Variants in MTHFD1L observed in about 807,000 individuals in gnomAD.
The protein encoded by MTHFD1L is monofunctional C1-tetrahydrofolate synthase, mitochondrial.
A neutral mutation model predicts 119.5 loss-of-function variants in MTHFD1L; 81 were observed. That is an observed-to-expected ratio of 0.68 (90% CI 0.57 to 0.82). MTHFD1L has a LOEUF of 0.82. MTHFD1L is among the 40% of genes least tolerant of loss of function. MTHFD1L has a pLI of 0.00. For synonymous variants in MTHFD1L, 430 were observed against 475.2 expected (o/e 0.90, Z 1.24); for missense variants, 1,125 against 1,253.4 (o/e 0.90, Z 1.55).
rs570138266 is a variant in MTHFD1L, at chr6:150,926,380, A to T, written c.1256+85A>T. 8.6e-7 allele frequency: 1 copy of T among 1,169,442 alleles called. No individual in the cohort carries two copies. Among genetic ancestry groups the T allele is most frequent in the African/African-American group, 1.5e-5 (1 of 64,970 alleles). The allele number at this position is 1,169,442 out of a possible 1,614,324, so 72.4% of individuals were successfully genotyped here. A position where few individuals can be genotyped will look rare whatever the true frequency, so the allele number is the denominator to read the frequency against. On this transcript the variant is annotated intron_variant, in intron 11 of 27. Coordinates refer to ENST00000367321, the MANE Select transcript of MTHFD1L (RefSeq NM_015440.5). The surrounding 1 kb of genome is among the most constrained non-coding windows in gnomAD (Gnocchi z 4.3). ...TTTATCTCTCTCCTCGTACCCCTCAATCCATCCTATTCTCACATTTGACAT... is the reference window on the plus strand; with the variant it reads ...TTTATCTCTCTCCTCGTACCCCTCATTCCATCCTATTCTCACATTTGACAT...
Position 151,057,280 on chromosome 6 carries a change from T to G in MTHFD1L, c.2847+20163T>G, listed in dbSNP as rs1308577271. ...TCTTCGCTGAAATCAACCTCCCCTT[T>G]CTGGAATGGACATATGGAAAATTGG... is the stretch of plus-strand genomic sequence containing the variant. On this transcript the variant is annotated intron_variant, in intron 26 of 27. Coordinates refer to ENST00000367321, the MANE Select transcript of MTHFD1L (RefSeq NM_015440.5). The G allele has an allele frequency of 3.0e-6, 3 of 985,240 alleles. No homozygotes were observed. The Admixed American group carries it at 1.8e-4, about 61-fold the overall frequency. 61.0% of individuals were successfully genotyped at this position (985,240 alleles called of 1,614,324 possible).
intron 1 of MTHFD1L, among the ~76,000 whole-genome samples, chr6:150,872,067 G>A (rs1005789969): frequency 4.0e-5 from 6 of 150,342 alleles, no homozygotes; most frequent in African/African-American, 9.8e-5. Flanking sequence ...TAGTAGAGAC[G>A]GGGTTTCACT....
intron 11 of MTHFD1L, among the ~76,000 whole-genome samples, chr6:150,936,386 G>A (rs1264153664): frequency 6.6e-6 from 1 of 152,096 alleles, no homozygotes; most frequent in Non-Finnish European, 1.5e-5. Flanking sequence ...CTCACCCAAG[G>A]ACCGTTGAGC....
intron 17 of MTHFD1L, among the ~76,000 whole-genome samples, chr6:150,959,481 C>T (rs1232253375): frequency 4.6e-5 from 7 of 152,170 alleles, no homozygotes; most frequent in Non-Finnish European, 8.8e-5. Context: ...CTTCGTACAA[C>T]GTGGAGCCAC....
chr6:151,098,760 A>G (rs760874723), intron 27 of MTHFD1L, among the ~76,000 whole-genome samples: 7 of 152,228 alleles, frequency 4.6e-5, no homozygotes, highest in African/African-American at 2.4e-5. Flanking sequence ...GCTTCTTCCA[A>G]CGCATAAGCA....
chr6:150,905,759 C>T lies in MTHFD1L; in HGVS notation c.890C>T (p.Ser297Leu). 6.2e-7 allele frequency: 1 copy of T among 1,606,864 alleles called. No individual in the cohort carries two copies. The highest frequency in any genetic ancestry group is 8.5e-7 in the Non-Finnish European group (1 of 1,173,410). Reference sequence around the variant, plus strand: ...CTCAACTGCTCCCATGACTTCCTGTCAGGTAAATGTCTTCACATTGGTGTT... The same window carrying T: ...CTCAACTGCTCCCATGACTTCCTGTTAGGTAAATGTCTTCACATTGGTGTT... The part of the protein sequence containing the change: ...TVLNCSHDFL[S>L]GKVGCGSPRI... Residue 297 changes from serine (S) to leucine (L), a missense_variant and splice_region_variant, in exon 8 of 28, where the codon TCA becomes TTA. Physicochemically the swap from Ser to Leu is moderately radical, Grantham distance 145. Coordinates refer to ENST00000367321, the MANE Select transcript of MTHFD1L (RefSeq NM_015440.5).
chr6:151,074,984 A>C (rs980339721), intron 26 of MTHFD1L, among the ~76,000 whole-genome samples: 5 of 152,252 alleles, frequency 3.3e-5, no homozygotes, highest in Admixed American at 1.3e-4. Context: ...TTATAGTTAA[A>C]GAGTTGTAAC....
In MTHFD1L at chr6:150,882,829, A is replaced by T. The variant is rs765560044; in HGVS notation, c.485A>T (p.Glu162Val). 1 of 1,580,092 alleles carries T rather than the reference A, an allele frequency of 6.3e-7. No homozygotes were observed. Residue 162 changes from glutamate (E) to valine (V), a missense_variant, in exon 5 of 28, where the codon GAG becomes GTG. Physicochemically the swap from Glu to Val is moderately radical, Grantham distance 121 (BLOSUM62 -2). This residue lies in a region of MTHFD1L where 1,058 missense variants were observed against 1,151.2 expected (regional missense o/e 0.92). Coordinates refer to ENST00000367321, the MANE Select transcript of MTHFD1L (RefSeq NM_015440.5). ...CATGGCCTTGCCCTTCAGATCTCTG[A>T]GAACTTGTTTAGCAACAAAGTCCTC... Reference protein sequence around the residue: ...RVHGLALQISENLFSNKVLNA... With the variant: ...RVHGLALQISVNLFSNKVLNA...
Position 150,926,880 on chromosome 6 carries a change from T to TA in MTHFD1L, c.1256+592dup, listed in dbSNP as rs1458011317. Among the ~76,000 whole-genome samples, 9 of 152,158 alleles carry TA rather than the reference T, an allele frequency of 5.9e-5. No homozygotes were observed. The highest frequency in any genetic ancestry group is 2.1e-4 in the South Asian group (1 of 4,818). ...GTGTTTGCCTTTTTCCCCTTCTTTTTAAAAAAAGAAGTACATTCACTAGCT... is the reference window on the plus strand; with the variant it reads ...GTGTTTGCCTTTTTCCCCTTCTTTTTAAAAAAAAGAAGTACATTCACTAGCT... On this transcript the variant is annotated intron_variant, in intron 11 of 27. Transcript: ENST00000367321. The surrounding 1 kb of genome is among the most constrained non-coding windows in gnomAD (Gnocchi z 4.3).
At position 150,951,033 on chromosome 6, in the gene MTHFD1L, G is replaced by GTTTTT. The variant is rs562283052; in HGVS notation, c.1726+1906_1726+1910dup. ...CTAAAATCTCCTTGGAAACTTTATG[G>GTTTTT]TTTTTTTTTTGTTTTTTTTTTGAGA... On this transcript the variant is annotated intron_variant, in intron 16 of 27. Coordinates refer to ENST00000367321, the MANE Select transcript of MTHFD1L (RefSeq NM_015440.5). Among the ~76,000 whole-genome samples the GTTTTT allele has an allele frequency of 4.8e-5, 6 of 125,922 alleles. 2 individuals carry two copies. The highest frequency in any genetic ancestry group is 5.8e-5 in the African/African-American group (2 of 34,552). 82.6% of individuals were successfully genotyped at this position (125,922 alleles called of 152,430 possible).
chr6:151,070,286 A>C (rs986912323), intron 26 of MTHFD1L, among the ~76,000 whole-genome samples: 4 of 152,196 alleles, frequency 2.6e-5, no homozygotes, highest in African/African-American at 9.6e-5. Context: ...TCTCCCTTAG[A>C]AGTCCCCAAA....
At chr6:150,989,923 G>A (rs1778824764) in intron 20 of MTHFD1L, among the ~76,000 whole-genome samples, 1 of 152,188 alleles carries the variant, frequency 6.6e-6, no homozygotes, top group Admixed American at 6.5e-5. Flanking sequence ...GAACTTCGTG[G>A]TTAAATTAAT....
intron 10 of MTHFD1L, among the ~76,000 whole-genome samples, chr6:150,923,909 A>G (rs1291909738): frequency 6.6e-6 from 1 of 152,164 alleles, no homozygotes; most frequent in Non-Finnish European, 1.5e-5. Context: ...AATCTGTTTC[A>G]TAAAATATCT....
chr6:151,056,434 C>T (rs544678459), intron 26 of MTHFD1L, among the ~76,000 whole-genome samples: 11 of 152,296 alleles, frequency 7.2e-5, no homozygotes, highest in African/African-American at 1.7e-4. Context: ...CACAGCCACC[C>T]GGCTTTTTCT....
intron 27 of MTHFD1L, among the ~76,000 whole-genome samples, chr6:151,094,359 C>CTTGTTG (rs571984995): frequency 6.6e-6 from 1 of 151,958 alleles, no homozygotes; most frequent in Non-Finnish European, 1.5e-5. Context: ...CACTTGAGGA[C>CTTGTTG]TTGTTGTTGT....
intron 20 of MTHFD1L, among the ~76,000 whole-genome samples, chr6:151,008,959 A>AT (rs149492201): frequency 0.12 from 18,150 of 151,222 alleles, 3,075 homozygotes; most frequent in African/African-American, 0.38. Flanking sequence ...TCTACTAACA[A>AT]TAAAAAAAAA....
At chr6:150,997,906 G>T (rs1157623917) in intron 20 of MTHFD1L, among the ~76,000 whole-genome samples, 1 of 152,192 alleles carries the variant, frequency 6.6e-6, no homozygotes, top group Non-Finnish European at 1.5e-5. Context: ...AAATCGATCT[G>T]CTTGTGAGAA....
chr6:150,973,212 G>A (rs1446051997), intron 20 of MTHFD1L, among the ~76,000 whole-genome samples: 1 of 152,162 alleles, frequency 6.6e-6, no homozygotes, highest in Non-Finnish European at 1.5e-5. Context: ...AGAGTGTGCT[G>A]GACAAAAGAA....
At chr6:150,912,930 T>C in intron 8 of MTHFD1L, 1 of 167,388 alleles carries the variant, frequency 6.0e-6, no homozygotes, top group Non-Finnish European at 1.3e-5. Context: ...GCCATGAAAT[T>C]TATTAAAAAT....
Sources: gnomAD v4.1 joint callset for allele counts (sites outside exome capture counted in the v4.1 genomes callset) on GRCh38, gnomAD v4.1.1 for gene constraint, gnomAD v4.1.1 regional missense constraint, Gnocchi (gnomAD v3.1) non-coding constraint, MANE v1.5 for transcripts, NCBI Gene and HGNC (gene_info 2026-07-23, HGNC 2026-07-21) for gene names.